Variants in COL21A1 observed in about 807,000 individuals in gnomAD.
COL21A1 encodes collagen type XXI alpha 1 chain, also known as collagen alpha-1(XXI) chain.
COL21A1 carries 149 observed loss-of-function variants against 137.9 expected under a neutral mutation model. That is an observed-to-expected ratio of 1.08 (90% CI 0.95 to 1.24). COL21A1 has a LOEUF of 1.24. COL21A1 is among the 50% of genes most tolerant of loss of function. The pLI, the probability that COL21A1 is intolerant of heterozygous loss-of-function variation, is 0.00. For synonymous variants in COL21A1, 456 were observed against 391.5 expected (o/e 1.16, Z -1.95); for missense variants, 1,167 against 1,158.4 (o/e 1.01, Z -0.11).
At chr6:56,283,485 A>C (rs181842705) in intron 1 of COL21A1, among the ~76,000 whole-genome samples, 16 of 152,308 alleles carry the variant, frequency 1.1e-4, no homozygotes, top group Admixed American at 4.6e-4. Flanking sequence ...TAACAGCACA[A>C]GAGAGTACTA....
intron 1 of COL21A1, among the ~76,000 whole-genome samples, chr6:56,327,260 A>G (rs1765117247): frequency 6.6e-6 from 1 of 151,958 alleles, no homozygotes; most frequent in African/African-American, 2.4e-5. Flanking sequence ...ATCTCATTAA[A>G]TAAAATATTT....
chr6:56,122,933 C>A (rs545554675), intron 16 of COL21A1, among the ~76,000 whole-genome samples: 25 of 152,184 alleles, frequency 1.6e-4, no homozygotes, highest in African/African-American at 5.8e-4. Flanking sequence ...AAAGTCATTG[C>A]AAGCTGGAAA....
intron 1 of COL21A1, among the ~76,000 whole-genome samples, chr6:56,272,940 A>G (rs1402820206): frequency 6.6e-6 from 1 of 152,206 alleles, no homozygotes; most frequent in Non-Finnish European, 1.5e-5. Flanking sequence ...GCAGTGTGAA[A>G]ATGGACTAAT....
intron 23 of COL21A1, among the ~76,000 whole-genome samples, chr6:56,066,959 G>GTA (rs1428095877): frequency 8.3e-6 from 1 of 120,792 alleles, no homozygotes; most frequent in Non-Finnish European, 1.7e-5. Flanking sequence ...CACACTGTGT[G>GTA]TGTGTATATA....
At chr6:56,342,683 G>A (rs1331541867) in intron 1 of COL21A1, among the ~76,000 whole-genome samples, 2 of 152,110 alleles carry the variant, frequency 1.3e-5, no homozygotes, top group African/African-American at 4.8e-5. Context: ...CACTGGGGCT[G>A]GAAAAAGAAA....
At chr6:56,116,907 T>A (rs1771985848) in intron 16 of COL21A1, among the ~76,000 whole-genome samples, 1 of 151,882 alleles carries the variant, frequency 6.6e-6, no homozygotes, top group Admixed American at 6.6e-5. Flanking sequence ...TAATGGGTTA[T>A]AAAATAATAT....
At chr6:56,303,808 C>G (rs1764364215) in intron 1 of COL21A1, among the ~76,000 whole-genome samples, 1 of 152,140 alleles carries the variant, frequency 6.6e-6, no homozygotes, top group African/African-American at 2.4e-5. Context: ...CTGTCTTGTA[C>G]CAGTTTTCAA....
At position 56,074,220 on chromosome 6, in the gene COL21A1, T is replaced by C. The variant is rs1407532639; in HGVS notation, c.1965+12A>G. On this transcript the variant is annotated intron_variant, in intron 20 of 29. Coordinates refer to ENST00000244728, the MANE Select transcript of COL21A1 (RefSeq NM_030820.4). The stretch of plus-strand genomic sequence containing the variant: ...ACAAAGTTCCCAGTCTTGTTTATTT[T>C]ATCATATTTACCTTAGATCCCGGTG... 6.4e-7 allele frequency: 1 copy of C among 1,565,290 alleles called. No individual in the cohort carries two copies. Among genetic ancestry groups the C allele is most frequent in the East Asian group, 2.4e-5 (1 of 42,380 alleles).
In COL21A1 at chr6:56,107,776, G is replaced by A. The variant is rs555472715; in HGVS notation, c.1759-6251C>T. ...GTATTCACAAGCCCTTCCAAAGGAG[G>A]AAAACCTTTATTAAACCCAAATGTG... On this transcript the variant is annotated intron_variant, in intron 16 of 29. Transcript: ENST00000244728. 1.5e-3 allele frequency among the ~76,000 whole-genome samples: 228 copies of A among 152,220 alleles called. 1 individual carries two copies. Among genetic ancestry groups the A allele is most frequent in the Middle Eastern group, 3.4e-3 (1 of 294 alleles).
At chr6:56,387,342 G>A (rs1382432376) in intron 1 of COL21A1, among the ~76,000 whole-genome samples, 1 of 152,108 alleles carries the variant, frequency 6.6e-6, no homozygotes, top group Non-Finnish European at 1.5e-5. Context: ...TTTAAAGTCT[G>A]TGCAAGAGGA....
At chr6:56,118,648 C>T (rs890354747) in intron 16 of COL21A1, among the ~76,000 whole-genome samples, 1 of 152,044 alleles carries the variant, frequency 6.6e-6, no homozygotes, top group African/African-American at 2.4e-5. Flanking sequence ...AGGCCAATAT[C>T]TCTGATGAAT....
intron 1 of COL21A1, among the ~76,000 whole-genome samples, chr6:56,217,885 T>G (rs1780588372): frequency 6.6e-6 from 1 of 152,094 alleles, no homozygotes; most frequent in African/African-American, 2.4e-5. Flanking sequence ...ACCAGGTATG[T>G]GATCCTCCTG....
chr6:56,156,437 G>T (rs972666593), intron 10 of COL21A1, among the ~76,000 whole-genome samples: 2 of 152,122 alleles, frequency 1.3e-5, no homozygotes, highest in African/African-American at 4.8e-5. Flanking sequence ...ACTCTAAAAA[G>T]CTACTTGTCA....
intron 1 of COL21A1, among the ~76,000 whole-genome samples, chr6:56,196,854 A>AT (rs1779053368): frequency 6.6e-6 from 1 of 152,068 alleles, no homozygotes; most frequent in African/African-American, 2.4e-5. Context: ...TCCCAATGGC[A>AT]TTTTTTACAA....
At chr6:56,288,182 C>G (rs1763957781) in intron 1 of COL21A1, among the ~76,000 whole-genome samples, 1 of 151,520 alleles carries the variant, frequency 6.6e-6, no homozygotes, top group Admixed American at 6.6e-5. Flanking sequence ...CATGAAATAA[C>G]ACTTATCTTT....
intron 3 of COL21A1, among the ~76,000 whole-genome samples, chr6:56,171,752 A>T (rs1010462550): frequency 1.3e-5 from 2 of 151,882 alleles, no homozygotes; most frequent in Admixed American, 1.3e-4. Flanking sequence ...ATATTATCTC[A>T]TCTATAATTA....
At chr6:56,100,276 G>A (rs1368135525) in intron 17 of COL21A1, among the ~76,000 whole-genome samples, 1 of 152,030 alleles carries the variant, frequency 6.6e-6, no homozygotes, top group Non-Finnish European at 1.5e-5. Flanking sequence ...GAACAAATCT[G>A]GCACAAACCC....
chr6:56,171,795 T>C (rs368293073), intron 3 of COL21A1, among the ~76,000 whole-genome samples: 1 of 151,780 alleles, frequency 6.6e-6, no homozygotes, highest in Non-Finnish European at 1.5e-5. Flanking sequence ...AATATTTTCT[T>C]AAGAATAATC....
At chr6:56,197,170 AG>A (rs1779076827) in intron 1 of COL21A1, among the ~76,000 whole-genome samples, 2 of 152,114 alleles carry the variant, frequency 1.3e-5, no homozygotes, top group Admixed American at 6.6e-5. Flanking sequence ...CATGTGGAAA[AG>A]AATGAAATTG....
Sources: gnomAD v4.1 joint callset for allele counts (sites outside exome capture counted in the v4.1 genomes callset) on GRCh38, gnomAD v4.1.1 for gene constraint, MANE v1.5 for transcripts, NCBI Gene and HGNC (gene_info 2026-07-23, HGNC 2026-07-21) for gene names.